Variants in OXCT1 observed in about 807,000 individuals in gnomAD.
OXCT1 encodes the protein 3-oxoacid CoA-transferase 1.
A neutral mutation model predicts 69.6 loss-of-function variants in OXCT1; 27 were observed. The ratio of observed to expected loss-of-function variants is 0.39; its 90% CI spans 0.29 to 0.54. The LOEUF is 0.54. Ranked by LOEUF, OXCT1 falls within the 20% of genes least tolerant of loss-of-function variation. The pLI is 0.72. For missense variants in OXCT1, 437 were observed against 650.2 expected, an observed-to-expected ratio of 0.67 and a Z score of 3.57; for synonymous variants, 202 against 217.8, an observed-to-expected ratio of 0.93 and a Z score of 0.64.
rs1278387534 is a variant in OXCT1 at position 41,762,017 on chromosome 5, A to AT, written c.1338+93dup. ...TATCACCTTGAATGAGCCAGAGAAA[A>AT]TAAAATCCACAGTTAGGTGACCTGG... On this transcript the variant is annotated intron_variant, in intron 14 of 16. Coordinates refer to ENST00000196371, the MANE Select transcript of OXCT1 (RefSeq NM_000436.4). The surrounding 1 kb of genome is among the most constrained non-coding windows in gnomAD (Gnocchi z 4.0). 3.6e-6 allele frequency: 3 copies of AT among 841,036 alleles called. No individual in the cohort carries two copies. The East Asian group carries it at 7.3e-5, about 20-fold the overall frequency. The allele number at this position is 841,036 out of a possible 1,614,324, so 52.1% of individuals were successfully genotyped here.
At chr5:41,841,348 C>T (rs1194109465) in intron 6 of OXCT1, among the ~76,000 whole-genome samples, 1 of 152,126 alleles carries the variant, frequency 6.6e-6, no homozygotes, top group Non-Finnish European at 1.5e-5. Flanking sequence ...AAGGAGCCCT[C>T]GTGAACTTTC....
chr5:41,859,864 A>AATATACTATATATATATGT (rs1749634020), intron 3 of OXCT1, among the ~76,000 whole-genome samples: 1 of 120,116 alleles, frequency 8.3e-6, no homozygotes, highest in East Asian at 2.1e-4. Context: ...CTAGTATAGT[A>AATATACTATATATATATGT]ATATATATAT....
chr5:41,774,998 T>C (rs1745054270), intron 13 of OXCT1, among the ~76,000 whole-genome samples: 1 of 152,050 alleles, frequency 6.6e-6, no homozygotes, highest in South Asian at 2.1e-4. Context: ...GATATAAACA[T>C]ATGATTAAAT....
chr5:41,830,649 T>C (rs924053535), intron 7 of OXCT1, among the ~76,000 whole-genome samples: 1 of 152,182 alleles, frequency 6.6e-6, no homozygotes, highest in Non-Finnish European at 1.5e-5. Context: ...TGTGTGTTCT[T>C]GAAATGGGAT....
At chr5:41,745,701 A>T (rs538186599) in intron 15 of OXCT1, among the ~76,000 whole-genome samples, 3 of 152,276 alleles carry the variant, frequency 2.0e-5, no homozygotes, top group African/African-American at 7.2e-5. Flanking sequence ...GACGCAATAA[A>T]AAATGATAAA....
chr5:41,732,026 G>A (rs185579514), intron 16 of OXCT1, among the ~76,000 whole-genome samples: 40 of 152,288 alleles, frequency 2.6e-4, no homozygotes, highest in African/African-American at 9.4e-4. Context: ...CAAGGAGCAG[G>A]TGGAAGAGGA....
chr5:41,771,821 T>C (rs193073114), intron 13 of OXCT1, among the ~76,000 whole-genome samples: 1 of 152,300 alleles, frequency 6.6e-6, no homozygotes. Context: ...GATAAGTTAT[T>C]TTCTTCCTTC....
intron 13 of OXCT1, among the ~76,000 whole-genome samples, chr5:41,790,661 A>C (rs1040667601): frequency 9.9e-5 from 15 of 152,234 alleles, no homozygotes; most frequent in African/African-American, 3.6e-4. Context: ...GAAAAAGATA[A>C]AAGTAAATGA....
In OXCT1 at chr5:41,731,299, T is replaced by C. The variant is rs1742608444; in HGVS notation, c.*430A>G. 10 of 871,616 alleles carry C rather than the reference T, an allele frequency of 1.1e-5. No individual in the cohort carries two copies. In the South Asian group the frequency reaches 2.8e-4, roughly 24 times the overall value. The allele number at this position is 871,616 out of a possible 1,614,324, so 54.0% of individuals were successfully genotyped here. The stretch of plus-strand genomic sequence containing the variant: ...CCCCAAAAGAAAAGTCAGAGGAGGC[T>C]GAAGAAAAAACAATCATGACAGCAA... On this transcript the variant is annotated 3_prime_UTR_variant, in exon 17 of 17. Transcript: ENST00000196371.
At chr5:41,781,525 T>C (rs796792383) in intron 13 of OXCT1, among the ~76,000 whole-genome samples, 9 of 151,998 alleles carry the variant, frequency 5.9e-5, no homozygotes, top group African/African-American at 1.9e-4. Flanking sequence ...ATGTGTGCCA[T>C]GGTGTTTTGC....
At chr5:41,807,565 A>T (rs1746746905) in intron 7 of OXCT1, 127 bp from the exon 8 acceptor site, 1 of 672,910 alleles carries the variant, frequency 1.5e-6, no homozygotes, top group Non-Finnish European at 2.7e-6. Flanking sequence ...ATGGACATAT[A>T]TCTATGTATG....
In OXCT1 at chr5:41,868,017, C is replaced by T. The variant is rs75885518; in HGVS notation, c.78+2264G>A. ...CAACATCACCTGGAACTTATCAATG[C>T]AAAGTTTAGGGCCCCACCCAGGACC... On this transcript the variant is annotated intron_variant, in intron 1 of 16. Transcript: ENST00000196371. Among the ~76,000 whole-genome samples the T allele has an allele frequency of 4.3e-3, 651 of 152,288 alleles. 2 individuals are homozygous for T. Among genetic ancestry groups the T allele is most frequent in the Non-Finnish European group, 7.5e-3 (507 of 68,024 alleles).
chr5:41,793,951 A>T, intron 13 of OXCT1, 52 bp downstream of exon 13: 1 of 1,075,966 alleles, frequency 9.3e-7, no homozygotes, highest in Non-Finnish European at 1.4e-6. Context: ...TAGTATTTAA[A>T]ATATAATTAT....
At chr5:41,865,061 G>A (rs1194511721) in intron 1 of OXCT1, among the ~76,000 whole-genome samples, 1 of 152,072 alleles carries the variant, frequency 6.6e-6, no homozygotes, top group Non-Finnish European at 1.5e-5. Context: ...TTACATTAAG[G>A]TATCCATTCC....
intron 7 of OXCT1, among the ~76,000 whole-genome samples, chr5:41,814,844 GTGCACATGTACCC>G (rs1374478824): frequency 6.6e-6 from 1 of 151,782 alleles, no homozygotes. Context: ...CCTGCACATT[GTGCACATGTACCC>G]TAAAACTTAA....
chr5:41,801,578 T>C (rs1746427898), intron 10 of OXCT1, among the ~76,000 whole-genome samples: 1 of 152,086 alleles, frequency 6.6e-6, no homozygotes, highest in Non-Finnish European at 1.5e-5. Context: ...ATGCAGCCAA[T>C]GTTATTCAAA....
Position 41,739,342 on chromosome 5 carries a change from G to A in OXCT1, c.1521+48C>T, listed in dbSNP as rs896229306. 5.0e-6 allele frequency: 6 copies of A among 1,200,368 alleles called. No homozygotes were observed. The Admixed American group carries it at 8.4e-5, about 17-fold the overall frequency. The allele number at this position is 1,200,368 out of a possible 1,614,324, so 74.4% of individuals were successfully genotyped here. A position where few individuals can be genotyped will look rare whatever the true frequency, so the allele number is the denominator to read the frequency against. On this transcript the variant is annotated intron_variant, in intron 16 of 16. Transcript: ENST00000196371. The stretch of plus-strand genomic sequence containing the variant: ...TGTCCTGCAAACACCCATTAATCAA[G>A]CCTATAATATAAGACAAGTGTCTGG...
intron 1 of OXCT1, among the ~76,000 whole-genome samples, chr5:41,867,256 CATT>C (rs1395236261): frequency 1.3e-5 from 2 of 152,082 alleles, no homozygotes; most frequent in Admixed American, 6.5e-5. Flanking sequence ...TATGGAAACT[CATT>C]ATTTCTTTCC....
intron 7 of OXCT1, among the ~76,000 whole-genome samples, chr5:41,837,980 C>A (rs1748450690): frequency 6.6e-6 from 1 of 152,050 alleles, no homozygotes; most frequent in Admixed American, 6.5e-5. Context: ...ATCATAAATG[C>A]CTGAATAGTA....
Sources: gnomAD v4.1 joint callset for allele counts (sites outside exome capture counted in the v4.1 genomes callset) on GRCh38, gnomAD v4.1.1 for gene constraint, Gnocchi (gnomAD v3.1) non-coding constraint, MANE v1.5 for transcripts, NCBI Gene and HGNC (gene_info 2026-07-23, HGNC 2026-07-21) for gene names.